Variants in PKHD1 observed in about 807,000 individuals in gnomAD.
PKHD1 encodes PKHD1 ciliary IPT domain containing fibrocystin/polyductin, also known as fibrocystin.
PKHD1 carries 291 observed loss-of-function variants against 412.0 expected under a neutral mutation model. That is an observed-to-expected ratio of 0.71 (90% CI 0.64 to 0.78). PKHD1 has a LOEUF of 0.78. Ranked by LOEUF, PKHD1 falls within the 30% of genes least tolerant of loss-of-function variation. The pLI is 0.00. For missense variants in PKHD1, 4,825 were observed against 4,950.7 expected, an observed-to-expected ratio of 0.97 and a Z score of 0.76; for synonymous variants, 1,777 against 1,821.5, an observed-to-expected ratio of 0.98 and a Z score of 0.62.
At chr6:52,086,680 C>T (rs1396453361) in intron 1 of PKHD1, among the ~76,000 whole-genome samples, 1 of 152,310 alleles carries the variant, frequency 6.6e-6, no homozygotes, top group South Asian at 2.1e-4. Context: ...TATGTACCTG[C>T]CCCCGAGTCA....
intron 60 of PKHD1, among the ~76,000 whole-genome samples, chr6:51,717,126 C>A (rs1185783379): frequency 1.8e-4 from 27 of 152,204 alleles, no homozygotes; most frequent in Non-Finnish European, 5.9e-5. Context: ...ACATTCCAGT[C>A]AACAATGGAC....
chr6:51,842,349 A>T (rs2151590436), intron 50 of PKHD1, among the ~76,000 whole-genome samples: 1 of 152,294 alleles, frequency 6.6e-6, no homozygotes, highest in East Asian at 1.9e-4. Context: ...AGGGGGATCA[A>T]GCTAGGGGAA....
intron 58 of PKHD1, 99 bp downstream of exon 58, chr6:51,747,688 A>G: frequency 4.7e-6 from 5 of 1,054,084 alleles, no homozygotes; most frequent in Non-Finnish European, 7.3e-6. Flanking sequence ...GCACTAGACC[A>G]CAATGTACCT....
chr6:51,873,355 G>GC (rs1393416680), intron 46 of PKHD1, among the ~76,000 whole-genome samples: 2 of 152,190 alleles, frequency 1.3e-5, no homozygotes, highest in Non-Finnish European at 2.9e-5. Flanking sequence ...AATAATGCTT[G>GC]CCCTTTGGCT....
chr6:51,758,600 T>C (rs1787459171), intron 55 of PKHD1, among the ~76,000 whole-genome samples: 1 of 152,094 alleles, frequency 6.6e-6, no homozygotes, highest in South Asian at 2.1e-4. Flanking sequence ...ATACCTCAAA[T>C]AATAAATAAA....
chr6:51,760,847 T>C (rs768750346), intron 55 of PKHD1, among the ~76,000 whole-genome samples: 1 of 152,078 alleles, frequency 6.6e-6, no homozygotes, highest in Non-Finnish European at 1.5e-5. Flanking sequence ...CAGTTCACAG[T>C]TTCTTCCTTG....
At chr6:51,999,264 C>T (rs1798075125) in intron 35 of PKHD1, among the ~76,000 whole-genome samples, 1 of 152,166 alleles carries the variant, frequency 6.6e-6, no homozygotes, top group Non-Finnish European at 1.5e-5. Context: ...TTATCTAAAA[C>T]CAGTTCAATA....
chr6:52,004,423 T>TTAG (rs1798809943), intron 35 of PKHD1, among the ~76,000 whole-genome samples: 3 of 152,250 alleles, frequency 2.0e-5, no homozygotes, highest in Admixed American at 6.5e-5. Flanking sequence ...TTTAATATGC[T>TTAG]TATAACAGTT....
chr6:52,011,497 C>T (rs1327838964), intron 34 of PKHD1, among the ~76,000 whole-genome samples: 1 of 152,166 alleles, frequency 6.6e-6, no homozygotes, highest in African/African-American at 2.4e-5. Context: ...ACCAGATGGT[C>T]CTGTTTCCCA....
intron 53 of PKHD1, among the ~76,000 whole-genome samples, chr6:51,790,043 A>T (rs7755343): frequency 6.6e-6 from 1 of 151,586 alleles, no homozygotes; most frequent in South Asian, 2.1e-4. Context: ...TTTCAGAAAT[A>T]TTTTTACAGT....
chr6:51,848,010 A>C, intron 49 of PKHD1, 40 bp from the exon 50 acceptor site: 1 of 1,411,126 alleles, frequency 7.1e-7, no homozygotes, highest in Non-Finnish European at 1.0e-6. Context: ...TCATTTAGTA[A>C]GGAACCCCAT....
intron 46 of PKHD1, among the ~76,000 whole-genome samples, chr6:51,877,084 C>T (rs1583160290): frequency 3.1e-5 from 1 of 32,656 alleles, no homozygotes; most frequent in South Asian, 2.6e-3. Context: ...TATTTATGCA[C>T]CCAATACAGG....
At chr6:51,989,929 A>AGGGAGGGAGGG (rs1407643436) in intron 35 of PKHD1, among the ~76,000 whole-genome samples, 8 of 91,914 alleles carry the variant, frequency 8.7e-5, no homozygotes, top group Non-Finnish European at 1.4e-4. Flanking sequence ...GGAAGGAAGG[A>AGGGAGGGAGGG]AGGAAAGAAG....
intron 5 of PKHD1, among the ~76,000 whole-genome samples, chr6:52,076,804 G>C (rs1450316139): frequency 6.6e-6 from 1 of 152,166 alleles, no homozygotes; most frequent in Non-Finnish European, 1.5e-5. Context: ...TTATCAGCCA[G>C]CACCTTGGTA....
rs143560552 is a variant in PKHD1 at position 51,709,583 on chromosome 6, G to A, written c.10156+34802C>T. Among the ~76,000 whole-genome samples the A allele has an allele frequency of 2.2e-4, 34 of 152,246 alleles. No homozygotes were observed. In the East Asian group the frequency reaches 6.2e-3, roughly 28 times the overall value. On this transcript the variant is annotated intron_variant, in intron 60 of 66. Coordinates refer to ENST00000371117, the MANE Select transcript of PKHD1 (RefSeq NM_138694.4). ...TCAAAAGACAGCACTCTTTCTATGG[G>A]AAAAAGAATCATTGTAACACATACT...
chr6:51,621,848 T>C (rs1389183620), intron 66 of PKHD1: 2 of 152,106 alleles, frequency 1.3e-5, no homozygotes, highest in Non-Finnish European at 2.9e-5. Context: ...TCAGACAAAT[T>C]AGATAAAAAA....
chr6:51,667,331 C>T (rs1214517921), intron 60 of PKHD1, among the ~76,000 whole-genome samples: 4 of 151,628 alleles, frequency 2.6e-5, no homozygotes, highest in Non-Finnish European at 4.4e-5. Flanking sequence ...TTTTTGGCTG[C>T]ATAAATGTCT....
chr6:51,655,117 C>T (rs1431647947), intron 61 of PKHD1, among the ~76,000 whole-genome samples: 1 of 152,052 alleles, frequency 6.6e-6, no homozygotes, highest in Non-Finnish European at 1.5e-5. Flanking sequence ...TGTAAAAACA[C>T]TCTTTAATGG....
chr6:51,982,185 T>C (rs1246741419), intron 35 of PKHD1, among the ~76,000 whole-genome samples: 4 of 19,664 alleles, frequency 2.0e-4, no homozygotes, highest in African/African-American at 3.5e-4. Context: ...GGGAGGGAGG[T>C]GGGGGGGTCA....
Sources: gnomAD v4.1 joint callset for allele counts (sites outside exome capture counted in the v4.1 genomes callset) on GRCh38, gnomAD v4.1.1 for gene constraint, MANE v1.5 for transcripts, NCBI Gene and HGNC (gene_info 2026-07-23, HGNC 2026-07-21) for gene names.